MS4A12: variants seen among roughly 807,000 people sequenced by gnomAD.
The protein encoded by MS4A12 is membrane-spanning 4-domains subfamily A member 12.
A neutral mutation model predicts 23.7 loss-of-function variants in MS4A12; 28 were observed. The ratio of observed to expected loss-of-function variants is 1.18; its 90% confidence interval spans 0.88 to 1.62. The LOEUF (loss-of-function observed/expected upper bound fraction) is 1.62, where lower values mean the gene tolerates loss of function less well. MS4A12 is among the 40% of genes most tolerant of loss of function. The pLI, the probability that MS4A12 is intolerant of heterozygous loss-of-function variation, is 0.00. For missense variants in MS4A12, 342 were observed against 327.0 expected, an observed-to-expected ratio of 1.05 and a Z score of -0.35; for synonymous variants, 108 against 110.1, an observed-to-expected ratio of 0.98 and a Z score of 0.12.
In MS4A12 at chr11:60,497,613, A is replaced by G. The variant is rs767424916; in HGVS notation, c.276+19A>G. The G allele has an allele frequency of 1.2e-6, 2 of 1,611,662 alleles. No individual in the cohort carries two copies. The highest frequency in any genetic ancestry group is 3.3e-5 in the Admixed American group (2 of 59,896). ...ACTAGGGGTAAGTCTATTTACTACC[A>G]GAATTTTAATTTCACATTTGCAAGG... On this transcript the variant is annotated intron_variant, in intron 2 of 6. Transcript: ENST00000016913.
At chr11:60,497,156 C>T (rs7109412) in intron 1 of MS4A12, among the ~76,000 whole-genome samples, 157 bp from the exon 2 acceptor site, 91,046 of 152,112 alleles carry the variant, frequency 0.6, 27,569 homozygotes, top group African/African-American at 0.68. Context: ...GGGTTGGGGA[C>T]TTATGAGAAT....
chr11:60,506,941 T>G lies in MS4A12; in HGVS notation c.700-79T>G. 6.6e-6 allele frequency: 10 copies of G among 1,520,354 alleles called. No homozygotes were observed. The South Asian group carries it at 1.1e-4, about 17-fold the overall frequency. 94.2% of individuals were successfully genotyped at this position (1,520,354 alleles called of 1,614,324 possible). On this transcript the variant is annotated intron_variant, in intron 6 of 6. Transcript: ENST00000016913. ...TATCGGCTTACCAGAATGCTCTTTGTCCTTCACTCTGATGGTACCAGGGGA... is the reference window on the plus strand; with the variant it reads ...TATCGGCTTACCAGAATGCTCTTTGGCCTTCACTCTGATGGTACCAGGGGA...
In MS4A12 at chr11:60,501,905, C is replaced by A; in HGVS notation, c.415-78C>A. On this transcript the variant is annotated intron_variant, in intron 3 of 6. Transcript: ENST00000016913. ...AGGAAACTAGATGAACATAAATAGA[C>A]CAACCTTTCATATAAAGAGAAATTC... 2.2e-6 allele frequency: 3 copies of A among 1,344,724 alleles called. No individual in the cohort carries two copies. In the South Asian group the frequency reaches 3.8e-5, roughly 17 times the overall value. The allele number at this position is 1,344,724 out of a possible 1,614,324, so 83.3% of individuals were successfully genotyped here.
intron 5 of MS4A12, among the ~76,000 whole-genome samples, chr11:60,504,777 G>C (rs2086558326): frequency 6.6e-6 from 1 of 151,966 alleles, no homozygotes; most frequent in African/African-American, 2.4e-5. Flanking sequence ...GCAGGCTTAT[G>C]AAGCCATCTG....
chr11:60,496,652 AACAAACTACC>A (rs2086489494), intron 1 of MS4A12, among the ~76,000 whole-genome samples: 2 of 152,188 alleles, frequency 1.3e-5, no homozygotes, highest in African/African-American at 4.8e-5. Flanking sequence ...TTGTTGATAT[AACAAACTACC>A]ACAAATGTAG....
At chr11:60,497,626 C>T in intron 2 of MS4A12, 32 bp downstream of exon 2, 2 of 1,606,356 alleles carry the variant, frequency 1.2e-6, no homozygotes, top group Non-Finnish European at 1.7e-6. Context: ...ATTTTAATTT[C>T]ACATTTGCAA....
At chr11:60,504,040 CT>C (rs2086552080) in intron 5 of MS4A12, among the ~76,000 whole-genome samples, 3 of 152,232 alleles carry the variant, frequency 2.0e-5, no homozygotes, top group African/African-American at 7.2e-5. Context: ...GCCCATCTCA[CT>C]GTTAATCACA....
At chr11:60,495,345 T>C (rs539204142) in intron 1 of MS4A12, among the ~76,000 whole-genome samples, 1 of 151,510 alleles carries the variant, frequency 6.6e-6, no homozygotes, top group East Asian at 1.9e-4. Context: ...CCCTTTTCAT[T>C]GAGTTTTCAA....
At chr11:60,500,842 G>A (rs938856593) in intron 2 of MS4A12, among the ~76,000 whole-genome samples, 32 of 152,180 alleles carry the variant, frequency 2.1e-4, no homozygotes, top group Admixed American at 1.4e-3. Flanking sequence ...AAAACAGGGC[G>A]TTTCACTAAG....
At chr11:60,503,452 C>T (rs1467454969) in intron 4 of MS4A12, among the ~76,000 whole-genome samples, 1 of 152,052 alleles carries the variant, frequency 6.6e-6, no homozygotes, top group Non-Finnish European at 1.5e-5. Context: ...TTAGTAAAAT[C>T]CAATAGATGA....
intron 3 of MS4A12, 79 bp from the exon 4 acceptor site, chr11:60,501,904 A>G: frequency 7.5e-7 from 1 of 1,334,194 alleles, no homozygotes; most frequent in South Asian, 1.3e-5. Context: ...ACATAAATAG[A>G]CCAACCTTTC....
intron 2 of MS4A12, 51 bp from the exon 3 acceptor site, chr11:60,500,994 A>G: frequency 6.5e-7 from 1 of 1,546,742 alleles, no homozygotes; most frequent in Non-Finnish European, 8.7e-7. Flanking sequence ...GTAATGTTTC[A>G]CACGTCTGAA....
chr11:60,503,691 T>A lies in MS4A12; in HGVS notation c.472-10T>A. 1 of 1,602,782 alleles carries A rather than the reference T, an allele frequency of 6.2e-7. No homozygotes were observed. The highest frequency in any genetic ancestry group is 1.3e-5 in the African/African-American group (1 of 74,652). ...GTATATAATTGATTTTTTCCTGCCATCTCCATTAGGTGAAAGGCAGCCTGG... is the reference window on the plus strand; with the variant it reads ...GTATATAATTGATTTTTTCCTGCCAACTCCATTAGGTGAAAGGCAGCCTGG... On this transcript the variant is annotated splice_polypyrimidine_tract_variant and intron_variant, in intron 4 of 6. Transcript: ENST00000016913.
rs373758551 is a variant in MS4A12 at position 60,507,169 on chromosome 11, C to T, written c.*45C>T. 1.1e-4 allele frequency: 155 copies of T among 1,398,844 alleles called. 2 individuals carry two copies. In the Middle Eastern group the frequency reaches 1.2e-3, roughly 11 times the overall value. The allele number at this position is 1,398,844 out of a possible 1,614,324, so 86.7% of individuals were successfully genotyped here. On this transcript the variant is annotated 3_prime_UTR_variant, in exon 7 of 7. Transcript: ENST00000016913. ...AGTCTAATCTCATGGAGAAAAACTA[C>T]TTGCAAAAACTTCTTAAGAAGATGT...
At position 60,501,098 on chromosome 11, in the gene MS4A12, T is replaced by C; in HGVS notation, c.330T>C (p.Cys110=). Residue 110 remains cysteine (C), a synonymous_variant, in exon 3 of 7, where the codon TGT becomes TGC. Coordinates refer to ENST00000016913, the MANE Select transcript of MS4A12 (RefSeq NM_017716.3). ...LMHIGFGIVL[C]LISFSFREVL... ...ACATTGGTTTTGGAATTGTTTTGTG[T>C]TTAATATCCTTCTCTTTTAGAGAAG... The C allele has an allele frequency of 6.2e-7, 1 of 1,613,608 alleles. No individual in the cohort carries two copies. The highest frequency in any genetic ancestry group is 2.2e-5 in the East Asian group (1 of 44,804).
rs150075810 is a variant in MS4A12, at chr11:60,500,109, C to T, written c.277-936C>T. On this transcript the variant is annotated intron_variant, in intron 2 of 6. Coordinates refer to ENST00000016913, the MANE Select transcript of MS4A12 (RefSeq NM_017716.3). Reference sequence around the variant, plus strand: ...AAAAGAAATTAGCCAGGCATGGTGGCGGGAGCCTGTAGTCCTAGCTACTCG... The same window carrying T: ...AAAAGAAATTAGCCAGGCATGGTGGTGGGAGCCTGTAGTCCTAGCTACTCG... Among the ~76,000 whole-genome samples the T allele has an allele frequency of 3.7e-3, 567 of 151,854 alleles. 3 individuals are homozygous for T. Among genetic ancestry groups the T allele is most frequent in the African/African-American group, 0.013 (541 of 41,404 alleles).
chr11:60,496,831 G>A (rs1051460303), intron 1 of MS4A12, among the ~76,000 whole-genome samples: 2 of 152,124 alleles, frequency 1.3e-5, no homozygotes, highest in African/African-American at 4.8e-5. Flanking sequence ...TTCTAGAGGC[G>A]ACCCATACAC....
chr11:60,500,900 C>T, intron 2 of MS4A12, 145 bp from the exon 3 acceptor site: 1 of 881,778 alleles, frequency 1.1e-6, no homozygotes, highest in Non-Finnish European at 1.7e-6. Context: ...CTTCATGACC[C>T]ACCTCCTGCT....
At chr11:60,498,432 A>G (rs1335243269) in intron 2 of MS4A12, among the ~76,000 whole-genome samples, 1 of 152,156 alleles carries the variant, frequency 6.6e-6, no homozygotes, top group African/African-American at 2.4e-5. Context: ...GCAGCAGCCT[A>G]TTTACTAAGC....
Sources: gnomAD v4.1 joint callset for allele counts (sites outside exome capture counted in the v4.1 genomes callset) on GRCh38, gnomAD v4.1.1 for gene constraint, MANE v1.5 for transcripts, NCBI Gene and HGNC (gene_info 2026-07-23, HGNC 2026-07-21) for gene names.